Variants in SCLY observed in about 807,000 individuals in gnomAD.
SCLY encodes the protein putative selenocysteine lyase.
Under a neutral mutation model 50.1 loss-of-function variants are expected in SCLY, and 38 were observed. The ratio of observed to expected loss-of-function variants is 0.76; its 90% CI spans 0.59 to 0.99. The LOEUF is 0.99. SCLY is among the 50% of genes least tolerant of loss of function. The pLI is 0.00. For synonymous variants in SCLY, 243 were observed against 249.4 expected (o/e 0.97, Z 0.24); for missense variants, 600 against 620.0 (o/e 0.97, Z 0.34).
chr2:238,074,985 G>C (rs1459302272), intron 4 of SCLY, among the ~76,000 whole-genome samples: 1 of 152,178 alleles, frequency 6.6e-6, no homozygotes, highest in Non-Finnish European at 1.5e-5. Context: ...TCCTTATCTT[G>C]CTAGTGATTG....
rs145144252 is a variant in SCLY, at chr2:238,097,976, A to C, written c.1185-226A>C. Among the ~76,000 whole-genome samples the C allele has an allele frequency of 8.5e-5, 13 of 152,288 alleles. No homozygotes were observed. In the East Asian group the frequency reaches 2.1e-3, roughly 25 times the overall value. On this transcript the variant is annotated intron_variant, in intron 11 of 11. Coordinates refer to ENST00000254663, the MANE Select transcript of SCLY (RefSeq NM_016510.7). ...AGTGTCACCTGGGAGTGCCAAGTGCAAGAGAACTCTGCAGGGAGAACGGGG... is the reference window on the plus strand; with the variant it reads ...AGTGTCACCTGGGAGTGCCAAGTGCCAGAGAACTCTGCAGGGAGAACGGGG...
intron 10 of SCLY, among the ~76,000 whole-genome samples, chr2:238,096,511 G>A (rs936639160): frequency 2.0e-5 from 3 of 152,232 alleles, no homozygotes; most frequent in Admixed American, 6.5e-5. Context: ...AGGAAGGAGC[G>A]GGTCAGGACT....
intron 2 of SCLY, chr2:238,065,162 GC>G (rs1463988728): frequency 2.0e-5 from 3 of 152,182 alleles, no homozygotes; most frequent in African/African-American, 7.2e-5. Context: ...AGTAACACTT[GC>G]GTACAATTTA....
At chr2:238,091,562 C>G (rs1362845545) in intron 8 of SCLY, 2 of 387,712 alleles carry the variant, frequency 5.2e-6, no homozygotes, top group East Asian at 1.1e-4. Flanking sequence ...TTCCCAAAGG[C>G]GTCGGCAGCC....
intron 7 of SCLY, among the ~76,000 whole-genome samples, chr2:238,088,463 AAAAAG>A (rs1219759695): frequency 3.3e-5 from 5 of 152,070 alleles, no homozygotes; most frequent in South Asian, 2.1e-4. Flanking sequence ...TCTATCTCAA[AAAAAG>A]AAAAGAAAAG....
At position 238,086,551 on chromosome 2, in the gene SCLY, T is replaced by G. The variant is rs149942870; in HGVS notation, c.884+3197T>G. Among the ~76,000 whole-genome samples the G allele has an allele frequency of 2.7e-4, 40 of 150,582 alleles. 1 individual carries two copies. The highest frequency in any genetic ancestry group is 5.3e-4 in the Non-Finnish European group (36 of 67,606). ...GCAAGATCTCATCTCTAAAAAATTT[T>G]TTTTAATTAGCCGACATGGCAGTGC... On this transcript the variant is annotated intron_variant, in intron 7 of 11. Transcript: ENST00000254663.
At chr2:238,064,312 C>A in intron 1 of SCLY, 45 bp from the exon 2 acceptor site, 2 of 1,258,736 alleles carry the variant, frequency 1.6e-6, no homozygotes, top group East Asian at 2.4e-5. Flanking sequence ...TTCCCATATG[C>A]CATCTCCTTT....
At position 238,083,023 on chromosome 2, in the gene SCLY, G is replaced by C; in HGVS notation, c.778-225G>C. The C allele has an allele frequency of 1.6e-6, 1 of 615,318 alleles. No homozygotes were observed. The highest frequency in any genetic ancestry group is 3.1e-6 in the Non-Finnish European group (1 of 319,116). 38.1% of individuals were successfully genotyped at this position (615,318 alleles called of 1,614,324 possible). A position where few individuals can be genotyped will look rare whatever the true frequency, so the allele number is the denominator to read the frequency against. On this transcript the variant is annotated intron_variant, in intron 6 of 11. Coordinates refer to ENST00000254663, the MANE Select transcript of SCLY (RefSeq NM_016510.7). This position sits in a 1 kb window ranked among gnomAD's most constrained non-coding sequence, Gnocchi z 4.3. ...AGCTGCCTGCCACAGAGCTGAGCAC[G>C]AGAGTCTAGCACCTGCGCTGCCTCC...
chr2:238,065,129 A>G (rs894378488), intron 2 of SCLY: 4 of 152,254 alleles, frequency 2.6e-5, no homozygotes, highest in Admixed American at 1.3e-4. Flanking sequence ...CTTCAAACAG[A>G]ATATTGCCAG....
intron 7 of SCLY, among the ~76,000 whole-genome samples, chr2:238,090,082 T>C (rs80349073): frequency 0.026 from 3,922 of 151,892 alleles, 168 homozygotes; most frequent in African/African-American, 0.091. Context: ...GCAAAAATAA[T>C]ATAAAAAATT....
intron 7 of SCLY, among the ~76,000 whole-genome samples, chr2:238,089,662 T>A (rs1268656627): frequency 3.9e-5 from 5 of 129,768 alleles, no homozygotes; most frequent in Non-Finnish European, 6.8e-5. Flanking sequence ...TTTTTTTTTT[T>A]AAAGCTCATC....
chr2:238,094,510 C>A lies in SCLY; in HGVS notation c.1096C>A (p.Pro366Thr). Reference sequence around the variant, plus strand: ...TACCTGTAACTTTTCCATCCGGGGACCCCGGCTTCAAGGTGATGGCCCCTC... The same window carrying A: ...TACCTGTAACTTTTCCATCCGGGGAACCCGGCTTCAAGGTGATGGCCCCTC... ...PNTCNFSIRGPRLQGHVVLAQ... is the reference protein window; with the variant it reads ...PNTCNFSIRGTRLQGHVVLAQ... Residue 366 changes from proline (P) to threonine (T), a missense_variant, in exon 10 of 12, where the codon CCC (proline) becomes ACC (threonine). Pro to Thr is a conservative substitution (Grantham distance 38, BLOSUM62 -1). Transcript: ENST00000254663. 2 of 1,613,992 alleles carry A rather than the reference C, an allele frequency of 1.2e-6. No individual in the cohort carries two copies. Among genetic ancestry groups the A allele is most frequent in the South Asian group, 1.1e-5 (1 of 91,080 alleles).
chr2:238,083,209 A>G lies in SCLY; in HGVS notation c.778-39A>G. ...GCATGTATACAGAGTAGGTCCTTGG[A>G]AAGTTCTTGTTGAATAAATGACCAA... On this transcript the variant is annotated intron_variant, in intron 6 of 11. Coordinates refer to ENST00000254663, the MANE Select transcript of SCLY (RefSeq NM_016510.7). This position sits in a 1 kb window ranked among gnomAD's most constrained non-coding sequence, Gnocchi z 4.3. The G allele has an allele frequency of 7.0e-7, 1 of 1,424,354 alleles. No homozygotes were observed. The highest frequency in any genetic ancestry group is 9.9e-7 in the Non-Finnish European group (1 of 1,007,520). The allele number at this position is 1,424,354 out of a possible 1,614,324, so 88.2% of individuals were successfully genotyped here. A position where few individuals can be genotyped will look rare whatever the true frequency, so the allele number is the denominator to read the frequency against.
rs764986199 is a variant in SCLY at position 238,098,144 on chromosome 2, G to C, written c.1185-58G>C. 37 of 1,577,544 alleles carry C rather than the reference G, an allele frequency of 2.3e-5. No homozygotes were observed. In the South Asian group the frequency reaches 4.1e-4, roughly 18 times the overall value. ...AGGGGAGTGGTCCAGAGCAGGGGGG[G>C]CTGTGTCTCTTCCATGTGCCCTCAG... On this transcript the variant is annotated intron_variant, in intron 11 of 11. Transcript: ENST00000254663.
intron 4 of SCLY, among the ~76,000 whole-genome samples, chr2:238,070,344 G>T (rs1391971566): frequency 6.6e-6 from 1 of 152,160 alleles, no homozygotes; most frequent in East Asian, 1.9e-4. Flanking sequence ...AAGGGACTGT[G>T]GCCAAACTGC....
In SCLY at chr2:238,081,726, G is replaced by C. The variant is rs759820842; in HGVS notation, c.502G>C (p.Val168Leu). The C allele has an allele frequency of 2.7e-5, 43 of 1,614,052 alleles. No homozygotes were observed. The highest frequency in any genetic ancestry group is 3.5e-5 in the Non-Finnish European group (41 of 1,180,010). The change falls in exon 5 of 12, where the codon GTG (valine) becomes CTG (leucine). Residue 168 changes from valine to leucine, a missense_variant. Physicochemically the swap from Val to Leu is conservative, Grantham distance 32. Transcript: ENST00000254663. Reference sequence around the variant, plus strand: ...TTTCCCAGCGGTCACCTTTGTCCCGGTGTCCAAGGTGAGCGGGCAGGCAGA... The same window carrying C: ...TTTCCCAGCGGTCACCTTTGTCCCGCTGTCCAAGGTGAGCGGGCAGGCAGA... ...EQVAAVTFVPVSKVSGQAEVD... is the reference protein window; with the variant it reads ...EQVAAVTFVPLSKVSGQAEVD...
At chr2:238,093,974 G>A (rs764544098) in intron 9 of SCLY, 30 bp downstream of exon 9, 7 of 1,595,530 alleles carry the variant, frequency 4.4e-6, no homozygotes, top group African/African-American at 2.7e-5. Flanking sequence ...GGCACCAGGA[G>A]GGGGAGGGTG....
intron 1 of SCLY, among the ~76,000 whole-genome samples, chr2:238,061,868 A>T (rs924824582): frequency 3.9e-5 from 6 of 152,176 alleles, no homozygotes; most frequent in African/African-American, 1.4e-4. Context: ...AGGCAGGGGT[A>T]TGCATTTTCT....
At chr2:238,089,315 G>A (rs1374386) in intron 7 of SCLY, among the ~76,000 whole-genome samples, 108,542 of 151,946 alleles carry the variant, frequency 0.71, 39,154 homozygotes, top group African/African-American at 0.8. Context: ...GATGTCAAAG[G>A]TGGATATACA....
Sources: allele counts gnomAD v4.1 joint callset (sites outside exome capture counted in the v4.1 genomes callset), GRCh38; gene constraint gnomAD v4.1.1; non-coding constraint Gnocchi (gnomAD v3.1); transcripts MANE v1.5; gene names NCBI Gene and HGNC (gene_info 2026-07-23, HGNC 2026-07-21).